NR3C1: variants seen among roughly 807,000 people sequenced by gnomAD.
NR3C1 encodes the protein glucocorticoid receptor.
NR3C1 carries 14 observed loss-of-function variants against 74.0 expected under a neutral mutation model. The observed-to-expected ratio is 0.19, with a 90% confidence interval of 0.12 to 0.30. NR3C1 has a LOEUF of 0.30. Ranked by LOEUF, NR3C1 falls within the 10% of genes least tolerant of loss-of-function variation. NR3C1 has a pLI of 1.00. For missense variants in NR3C1, 695 were observed against 909.8 expected, an observed-to-expected ratio of 0.76 and a Z score of 3.04; for synonymous variants, 308 against 332.5, an observed-to-expected ratio of 0.93 and a Z score of 0.80.
In NR3C1 at chr5:143,320,035, A is replaced by C. The variant is rs61752288; in HGVS notation, c.1185-5867T>G. ...GCTAGCACTAAAAGGTAGTTTTTACACATTAAAGTCACCTGCACTTTTCTT... is the reference window on the plus strand; with the variant it reads ...GCTAGCACTAAAAGGTAGTTTTTACCCATTAAAGTCACCTGCACTTTTCTT... On this transcript the variant is annotated intron_variant, in intron 2 of 8. Transcript: ENST00000394464. Among the ~76,000 whole-genome samples, 129 of 152,328 alleles carry C rather than the reference A, an allele frequency of 8.5e-4. 1 individual carries two copies. Among genetic ancestry groups the C allele is most frequent in the African/African-American group, 3.0e-3 (124 of 41,572 alleles).
chr5:143,389,988 A>G, intron 2 of NR3C1: 4 of 901,262 alleles, frequency 4.4e-6, no homozygotes, highest in Non-Finnish European at 5.3e-6. Context: ...TTTTAGTACA[A>G]TTCTAAAAAA....
upstream of NR3C1, chr5:143,405,206 T>C: frequency 1.0e-6 from 1 of 985,726 alleles, no homozygotes; most frequent in Non-Finnish European, 1.2e-6. Flanking sequence ...GCTGTGTGGG[T>C]TTAGGGTTTG....
At chr5:143,310,027 C>T in intron 4 of NR3C1, 70 bp downstream of exon 4, 1 of 1,168,292 alleles carries the variant, frequency 8.6e-7, no homozygotes, top group Non-Finnish European at 1.3e-6. Context: ...TTACGTGTAT[C>T]TTCAAAAGTA....
intron 3 of NR3C1, among the ~76,000 whole-genome samples, chr5:143,312,817 C>A (rs754483035): frequency 2.0e-4 from 30 of 152,068 alleles, no homozygotes; most frequent in Non-Finnish European, 3.5e-4. Context: ...AGTGAGGACA[C>A]GAAGACGCTT....
intron 7 of NR3C1, among the ~76,000 whole-genome samples, chr5:143,288,018 A>G (rs1478454003): frequency 6.6e-6 from 1 of 151,676 alleles, no homozygotes; most frequent in African/African-American, 2.4e-5. Flanking sequence ...GTGGAACTAT[A>G]CTCTGCTCAG....
In NR3C1 at chr5:143,312,742, G is replaced by A. The variant is rs1434205379; in HGVS notation, c.1351+1260C>T. Among the ~76,000 whole-genome samples, 6 of 152,138 alleles carry A rather than the reference G, an allele frequency of 3.9e-5. No homozygotes were observed. The South Asian group carries it at 6.2e-4, about 16-fold the overall frequency. ...AAAATCGTTAAGTCAGGGACTGTCC[G>A]TATTATTATTATCACTGCATTTATA... On this transcript the variant is annotated intron_variant, in intron 3 of 8. Transcript: ENST00000394464.
At chr5:143,397,719 T>C (rs1467991362) in intron 2 of NR3C1, among the ~76,000 whole-genome samples, 2 of 151,938 alleles carry the variant, frequency 1.3e-5, no homozygotes, top group Non-Finnish European at 2.9e-5. Context: ...CGCATCATCA[T>C]TGCCTTGCCT....
chr5:143,284,199 G>A (rs1374635465), intron 7 of NR3C1, among the ~76,000 whole-genome samples: 1 of 152,006 alleles, frequency 6.6e-6, no homozygotes, highest in East Asian at 1.9e-4. Context: ...GCTCACCTTG[G>A]CCTCCCAAAG....
At chr5:143,335,202 G>A (rs1169305917) in intron 2 of NR3C1, among the ~76,000 whole-genome samples, 1 of 152,162 alleles carries the variant, frequency 6.6e-6, no homozygotes, top group Non-Finnish European at 1.5e-5. Flanking sequence ...GGCCCTTCCA[G>A]TTGTAGGCTG....
At chr5:143,344,458 C>CTTA (rs1828840011) in intron 2 of NR3C1, among the ~76,000 whole-genome samples, 1 of 152,142 alleles carries the variant, frequency 6.6e-6, no homozygotes, top group Non-Finnish European at 1.5e-5. Flanking sequence ...TGAATGAGGA[C>CTTA]ATTTAAGCTC....
At chr5:143,433,836 G>T (rs192239330) in intron 1 of NR3C1, 2 of 152,394 alleles carry the variant, frequency 1.3e-5, no homozygotes, top group African/African-American at 4.8e-5. Flanking sequence ...ACCTAAGGCA[G>T]GTCAGGGCGG....
At chr5:143,284,609 T>C (rs1813894249) in intron 7 of NR3C1, among the ~76,000 whole-genome samples, 2 of 152,188 alleles carry the variant, frequency 1.3e-5, no homozygotes, top group Non-Finnish European at 2.9e-5. Flanking sequence ...CCCAATTCAA[T>C]ATGCATATAA....
At chr5:143,385,971 T>C (rs957253486) in intron 2 of NR3C1, among the ~76,000 whole-genome samples, 1 of 152,206 alleles carries the variant, frequency 6.6e-6, no homozygotes, top group Non-Finnish European at 1.5e-5. Context: ...TAACTGAGAC[T>C]GGGTAACTTA....
At chr5:143,365,047 T>A (rs1350412680) in intron 2 of NR3C1, among the ~76,000 whole-genome samples, 1 of 151,924 alleles carries the variant, frequency 6.6e-6, no homozygotes, top group East Asian at 1.9e-4. Flanking sequence ...TGGCAACCAC[T>A]AAGAAAATAA....
At chr5:143,348,190 G>A (rs1021700246) in intron 2 of NR3C1, among the ~76,000 whole-genome samples, 13 of 152,170 alleles carry the variant, frequency 8.5e-5, no homozygotes. Flanking sequence ...ATACTTTGGA[G>A]CTTCAATTAC....
At chr5:143,373,758 G>A (rs1834645493) in intron 2 of NR3C1, among the ~76,000 whole-genome samples, 1 of 152,044 alleles carries the variant, frequency 6.6e-6, no homozygotes. Flanking sequence ...AAATTTACTA[G>A]TATAGTCCTG....
At chr5:143,378,357 G>A (rs1015690865) in intron 2 of NR3C1, among the ~76,000 whole-genome samples, 3 of 152,008 alleles carry the variant, frequency 2.0e-5, no homozygotes, top group Non-Finnish European at 4.4e-5. Context: ...AAAAACTAAG[G>A]GCTTCTATGC....
chr5:143,295,322 T>G, intron 7 of NR3C1, 138 bp downstream of exon 7: 2 of 1,400,218 alleles, frequency 1.4e-6, no homozygotes, highest in South Asian at 1.5e-5. Context: ...ATATTTTACA[T>G]TCATAAAAAT....
chr5:143,345,940 G>A (rs1464707585), intron 2 of NR3C1, among the ~76,000 whole-genome samples: 1 of 152,124 alleles, frequency 6.6e-6, no homozygotes, highest in African/African-American at 2.4e-5. Context: ...AGGTTGTTTT[G>A]CTTAAGGTCA....
Sources: gnomAD v4.1 joint callset for allele counts (sites outside exome capture counted in the v4.1 genomes callset) on GRCh38, gnomAD v4.1.1 for gene constraint, MANE v1.5 for transcripts, NCBI Gene and HGNC (gene_info 2026-07-23, HGNC 2026-07-21) for gene names.